Variants in SMPD4 observed in about 807,000 individuals in gnomAD.
SMPD4 encodes neutral sphingomyelinase 3.
In SMPD4, 58 loss-of-function variants were observed where a neutral mutation model predicts 97.8. That is an observed-to-expected ratio of 0.59 (90% CI 0.48 to 0.74). The LOEUF (loss-of-function observed/expected upper bound fraction) is 0.74. Ranked by LOEUF, SMPD4 falls within the 30% of genes least tolerant of loss-of-function variation. SMPD4 has a pLI of 0.00. For synonymous variants in SMPD4, 388 were observed against 450.0 expected (o/e 0.86, Z 1.74); for missense variants, 853 against 1,080.5 (o/e 0.79, Z 2.95).
At chr2:130,168,347 C>T (rs1225048564) in intron 8 of SMPD4, among the ~76,000 whole-genome samples, 1 of 152,026 alleles carries the variant, frequency 6.6e-6, no homozygotes, top group Non-Finnish European at 1.5e-5. Flanking sequence ...TCACTTGAGC[C>T]CAGGAGGTTG....
chr2:130,166,481 G>T (rs983439419), intron 9 of SMPD4, among the ~76,000 whole-genome samples: 1 of 152,132 alleles, frequency 6.6e-6, no homozygotes, highest in African/African-American at 2.4e-5. Flanking sequence ...GTGAACAGGG[G>T]CAACGGTTCT....
intron 8 of SMPD4, 60 bp from the exon 9 acceptor site, chr2:130,167,650 G>A (rs1469306943): frequency 2.0e-6 from 3 of 1,527,540 alleles, no homozygotes; most frequent in African/African-American, 2.8e-5. Context: ...CGCTCCCGCT[G>A]TAACAGGGGC....
intron 8 of SMPD4, among the ~76,000 whole-genome samples, chr2:130,170,953 T>C (rs2104890198): frequency 6.6e-6 from 1 of 151,874 alleles, no homozygotes; most frequent in East Asian, 2.0e-4. Flanking sequence ...CCCAGCTACT[T>C]GCGAGGCTGA....
intron 7 of SMPD4, 52 bp from the exon 8 acceptor site, chr2:130,172,552 C>A (rs1382363579): frequency 6.2e-7 from 1 of 1,613,074 alleles, no homozygotes; most frequent in African/African-American, 1.3e-5. Context: ...GCCAGGCCAC[C>A]AAGCACCAAC....
intron 8 of SMPD4, among the ~76,000 whole-genome samples, chr2:130,168,028 C>T (rs545626205): frequency 2.2e-4 from 34 of 152,260 alleles, no homozygotes; most frequent in Non-Finnish European, 1.3e-4. Flanking sequence ...AAATGAGAAC[C>T]TATCTCCACA....
At chr2:130,165,256 T>C (rs1265670131) in intron 9 of SMPD4, among the ~76,000 whole-genome samples, 1 of 151,418 alleles carries the variant, frequency 6.6e-6, no homozygotes, top group African/African-American at 2.4e-5. Context: ...ACAGTGTCTC[T>C]ACTAAAAATA....
chr2:130,176,534 T>C lies in SMPD4; in HGVS notation c.39+20A>G, dbSNP rs748568351. 1.8e-5 allele frequency: 29 copies of C among 1,597,738 alleles called. No homozygotes were observed. Among genetic ancestry groups the C allele is most frequent in the East Asian group, 1.3e-4 (6 of 44,746 alleles). On this transcript the variant is annotated intron_variant, in intron 2 of 19. Coordinates refer to ENST00000680298, the MANE Select transcript of SMPD4 (RefSeq NM_017951.5). ...AGAACTATGGCCACACTGACACTCA[T>C]GCAAGCAGTTGATATTTACCAGTAG...
chr2:130,180,428 C>A lies in SMPD4; in HGVS notation c.-46+1102G>T, dbSNP rs13396636. Among the ~76,000 whole-genome samples the A allele has an allele frequency of 2.4e-3, 360 of 152,196 alleles. 1 individual carries two copies. The highest frequency in any genetic ancestry group is 8.1e-3 in the African/African-American group (338 of 41,526). On this transcript the variant is annotated intron_variant, in intron 1 of 19. Coordinates refer to ENST00000680298, the MANE Select transcript of SMPD4 (RefSeq NM_017951.5). ...CTGGGATTACAGGCGCCCGCTACCA[C>A]GCCCGGCTAATTTTTGTATTTTTTA...
At chr2:130,156,207 C>G in intron 13 of SMPD4, 72 bp from the exon 14 acceptor site, 1 of 1,358,232 alleles carries the variant, frequency 7.4e-7, no homozygotes, top group Admixed American at 1.9e-5. Context: ...GCCCAGATAC[C>G]AGGCGGCAGC....
Position 130,167,143 on chromosome 2 carries a change from TG to T in SMPD4, c.792+314del, listed in dbSNP as rs1688014063. 2.0e-5 allele frequency among the ~76,000 whole-genome samples: 3 copies of T among 151,552 alleles called. No individual in the cohort carries two copies. The South Asian group carries it at 6.2e-4, about 32-fold the overall frequency. ...TCTTTTTCTTTTTTTTTTTTTGAGA[TG>T]GAGTCTAGTTCTGTCACCCAGGCTG... On this transcript the variant is annotated intron_variant, in intron 9 of 19. Coordinates refer to ENST00000680298, the MANE Select transcript of SMPD4 (RefSeq NM_017951.5).
rs764496494 is a variant in SMPD4, at chr2:130,172,363, G to A, written c.645C>T (p.Pro215=). 2 of 1,595,856 alleles carry A rather than the reference G, an allele frequency of 1.3e-6. No individual in the cohort carries two copies. Among genetic ancestry groups the A allele is most frequent in the Non-Finnish European group, 1.7e-6 (2 of 1,170,542 alleles). The change falls in exon 8 of 20, where the codon CCC becomes CCT. Residue 215 remains proline, a synonymous_variant. Coordinates refer to ENST00000680298, the MANE Select transcript of SMPD4 (RefSeq NM_017951.5). ...GGCAGCCTTACCTGGGAGGTGGTGA[G>A]GGGCTGGTCCCCCCTGGGCTGGAGG... The part of the protein sequence containing the change: ...PLSSSPGGTS[P]SPPPRTPAIP...
At chr2:130,167,323 G>T in intron 9 of SMPD4, 135 bp downstream of exon 9, 1 of 1,213,022 alleles carries the variant, frequency 8.2e-7, no homozygotes, top group Non-Finnish European at 1.1e-6. Flanking sequence ...GTTTCACCAT[G>T]CTGGCCAGGT....
intron 8 of SMPD4, among the ~76,000 whole-genome samples, chr2:130,171,678 C>CT (rs1334279266): frequency 6.6e-6 from 1 of 152,184 alleles, no homozygotes; most frequent in Non-Finnish European, 1.5e-5. Flanking sequence ...CCTGGCCTGC[C>CT]TTACACATGC....
chr2:130,162,836 C>A (rs1687559674), intron 10 of SMPD4, among the ~76,000 whole-genome samples: 1 of 152,204 alleles, frequency 6.6e-6, no homozygotes, highest in African/African-American at 2.4e-5. Flanking sequence ...CTGGAAGAGG[C>A]GAAGAGTGGA....
rs1345456645 is a variant in SMPD4, at chr2:130,152,972, G to A, written c.2154+71C>T. 5 of 1,566,324 alleles carry A rather than the reference G, an allele frequency of 3.2e-6. No homozygotes were observed. In the African/African-American group the frequency reaches 4.1e-5, roughly 13 times the overall value. ...TACCCCACCCTCACAGGCCACCCCA[G>A]GACTGCACCCCAGGCAGGAGCATCT... On this transcript the variant is annotated intron_variant, in intron 19 of 19. Coordinates refer to ENST00000680298, the MANE Select transcript of SMPD4 (RefSeq NM_017951.5).
At chr2:130,180,985 T>TG (rs1365010019) in intron 1 of SMPD4, among the ~76,000 whole-genome samples, 1 of 152,064 alleles carries the variant, frequency 6.6e-6, no homozygotes, top group Non-Finnish European at 1.5e-5. Context: ...CCCCGTTTGT[T>TG]TTTTGTTTTG....
intron 11 of SMPD4, among the ~76,000 whole-genome samples, chr2:130,160,838 C>A (rs539634290): frequency 7.7e-4 from 117 of 152,334 alleles, no homozygotes; most frequent in African/African-American, 2.7e-3. Context: ...AACCCAGCCA[C>A]TGCTGAGGCC....
Position 130,178,670 on chromosome 2 carries a change from C to T in SMPD4, c.-45-2033G>A, listed in dbSNP as rs530995887. Among the ~76,000 whole-genome samples the T allele has an allele frequency of 3.6e-3, 551 of 152,124 alleles. 4 individuals carry two copies. Among genetic ancestry groups the T allele is most frequent in the Middle Eastern group, 0.034 (10 of 294 alleles). On this transcript the variant is annotated intron_variant, in intron 1 of 19. Transcript: ENST00000680298. Reference sequence around the variant, plus strand: ...ATTAGCTGGGTGTGGTGGCGGGCACCTGTAGTCCCAGCAACTCGGGAGGCT... The same window carrying T: ...ATTAGCTGGGTGTGGTGGCGGGCACTTGTAGTCCCAGCAACTCGGGAGGCT...
At chr2:130,172,928 G>A in intron 5 of SMPD4, 33 bp from the exon 6 acceptor site, 2 of 1,589,046 alleles carry the variant, frequency 1.3e-6, no homozygotes, top group Non-Finnish European at 1.7e-6. Context: ...TTGTGGGCAG[G>A]TGCTGGTGCG....
Sources: allele counts gnomAD v4.1 joint callset (sites outside exome capture counted in the v4.1 genomes callset), GRCh38; gene constraint gnomAD v4.1.1; transcripts MANE v1.5; gene names NCBI Gene and HGNC (gene_info 2026-07-23, HGNC 2026-07-21).